The following MALT1 variants were observed in gnomAD, a reference collection of about 807,000 sequenced individuals.
MALT1 encodes the protein mucosa-associated lymphoid tissue lymphoma translocation protein 1.
Under a neutral mutation model 85.5 loss-of-function variants are expected in MALT1, and 36 were observed. The ratio of observed to expected loss-of-function variants is 0.42; its 90% CI spans 0.32 to 0.56. MALT1 has a LOEUF of 0.56. MALT1 is among the 20% of genes least tolerant of loss of function. The pLI, the probability that MALT1 is intolerant of heterozygous loss-of-function variation, is 0.10. For synonymous variants in MALT1, 359 were observed against 361.3 expected (o/e 0.99, Z 0.07); for missense variants, 716 against 981.6 (o/e 0.73, Z 3.62).
intron 4 of MALT1, among the ~76,000 whole-genome samples, chr18:58,705,803 A>C (rs1156284263): frequency 1.3e-5 from 2 of 152,102 alleles, no homozygotes; most frequent in African/African-American, 4.8e-5. Context: ...ATGTGTCTTC[A>C]TAGCAGCATG....
chr18:58,725,732 C>T (rs1427555486), intron 10 of MALT1, among the ~76,000 whole-genome samples: 3 of 152,170 alleles, frequency 2.0e-5, no homozygotes, highest in Non-Finnish European at 4.4e-5. Context: ...GATATTTTCA[C>T]CTTGGCTTTT....
At chr18:58,718,506 T>A (rs528571656) in intron 9 of MALT1, among the ~76,000 whole-genome samples, 1 of 152,292 alleles carries the variant, frequency 6.6e-6, no homozygotes, top group East Asian at 1.9e-4. Context: ...AACCCTATTG[T>A]GCACTCCTTA....
At chr18:58,727,212 C>T (rs2055067693) in intron 10 of MALT1, among the ~76,000 whole-genome samples, 2 of 152,062 alleles carry the variant, frequency 1.3e-5, no homozygotes, top group African/African-American at 4.8e-5. Flanking sequence ...TATTTCAGGC[C>T]TCAATGAGAG....
intron 14 of MALT1, among the ~76,000 whole-genome samples, chr18:58,743,633 CCCT>C (rs1184049464): frequency 2.0e-5 from 3 of 151,874 alleles, no homozygotes; most frequent in Admixed American, 6.6e-5. Context: ...AAAATTAAGA[CCCT>C]CCTCAGTAAA....
intron 11 of MALT1, 36 bp downstream of exon 11, chr18:58,733,610 G>A (rs770263327): frequency 6.9e-7 from 1 of 1,450,630 alleles, no homozygotes; most frequent in Non-Finnish European, 9.4e-7. Context: ...AATTGTTGGA[G>A]TTAAATATCG....
chr18:58,693,472 A>G (rs2054543565), intron 2 of MALT1, among the ~76,000 whole-genome samples: 1 of 152,224 alleles, frequency 6.6e-6, no homozygotes, highest in African/African-American at 2.4e-5. Flanking sequence ...GAAAATGGCT[A>G]TAATAAACAG....
chr18:58,671,798 G>T lies in MALT1; in HGVS notation c.155G>T (p.Arg52Leu). 1 of 1,246,316 alleles carries T rather than the reference G, an allele frequency of 8.0e-7. No individual in the cohort carries two copies. The highest frequency in any genetic ancestry group is 1.0e-6 in the Non-Finnish European group (1 of 996,206). The allele number at this position is 1,246,316 out of a possible 1,614,324, so 77.2% of individuals were successfully genotyped here. ...SELLDQAPEG[R>L]GWRRLAELAG... The stretch of plus-strand genomic sequence containing the variant: ...CTCCTGGATCAGGCGCCCGAGGGCC[G>T]GGGCTGGAGGAGACTGGCGGAGCTG... The change falls in exon 1 of 17, where the codon CGG (arginine) becomes CTG (leucine). Residue 52 changes from arginine to leucine, a missense_variant. Physicochemically the swap from Arg to Leu is moderately radical, Grantham distance 102 (BLOSUM62 -2). This residue lies in a region of MALT1 where 290 missense variants were observed against 380.5 expected (regional missense o/e 0.76). Coordinates refer to ENST00000649217, the MANE Select transcript of MALT1 (RefSeq NM_006785.4).
intron 2 of MALT1, chr18:58,692,286 T>C (rs983253244): frequency 2.6e-5 from 4 of 152,032 alleles, no homozygotes; most frequent in African/African-American, 9.7e-5. Context: ...AGCCCTTGCA[T>C]TGCAAAGGAA....
rs186534946 is a variant in MALT1, at chr18:58,739,741, C to T, written c.1604-2124C>T. Among the ~76,000 whole-genome samples, 263 of 152,206 alleles carry T rather than the reference C, an allele frequency of 1.7e-3. 1 individual carries two copies. In the Middle Eastern group the frequency reaches 0.024, roughly 14 times the overall value. Reference sequence around the variant, plus strand: ...CTGCCTGCAGGTTTCAGACTTGCACCGCCACAATTCATAAACCAATACCTT... The same window carrying T: ...CTGCCTGCAGGTTTCAGACTTGCACTGCCACAATTCATAAACCAATACCTT... On this transcript the variant is annotated intron_variant, in intron 13 of 16. Coordinates refer to ENST00000649217, the MANE Select transcript of MALT1 (RefSeq NM_006785.4).
chr18:58,740,302 T>C (rs532677845), intron 13 of MALT1, among the ~76,000 whole-genome samples: 6 of 152,310 alleles, frequency 3.9e-5, no homozygotes, highest in Non-Finnish European at 7.4e-5. Context: ...GTTGATTTCT[T>C]CTACTTTTTC....
chr18:58,694,469 T>G (rs1304764649), intron 2 of MALT1, among the ~76,000 whole-genome samples: 1 of 152,198 alleles, frequency 6.6e-6, no homozygotes, highest in Non-Finnish European at 1.5e-5. Flanking sequence ...GAGGTCACAT[T>G]CAGTATAGAC....
chr18:58,732,263 C>A (rs1045311510), intron 10 of MALT1, among the ~76,000 whole-genome samples: 1 of 152,000 alleles, frequency 6.6e-6, no homozygotes, highest in African/African-American at 2.4e-5. Flanking sequence ...GTGTTTTGTC[C>A]AGTACTTTTA....
rs1048934059 is a variant in MALT1, at chr18:58,748,811, C to T, written c.*969C>T. On this transcript the variant is annotated 3_prime_UTR_variant, in exon 17 of 17. Coordinates refer to ENST00000649217, the MANE Select transcript of MALT1 (RefSeq NM_006785.4). ...TTTTAAAAGTCTCACAAAGAAAATC[C>T]CAGGCCTAGATGGCTGCATTGTTGA... 3.0e-5 allele frequency: 6 copies of T among 201,406 alleles called. No individual in the cohort carries two copies. The highest frequency in any genetic ancestry group is 1.4e-4 in the African/African-American group (6 of 43,500). The allele number at this position is 201,406 out of a possible 1,614,324, so 12.5% of individuals were successfully genotyped here.
intron 9 of MALT1, among the ~76,000 whole-genome samples, chr18:58,717,662 C>T (rs768770340): frequency 1.1e-4 from 16 of 149,576 alleles, no homozygotes; most frequent in Non-Finnish European, 2.2e-4. Context: ...ACGAGAATCA[C>T]TTGAACCCAG....
chr18:58,734,501 A>G, intron 12 of MALT1, 120 bp downstream of exon 12: 1 of 730,692 alleles, frequency 1.4e-6, no homozygotes. Context: ...AGGCGCCATC[A>G]TAGCTCACTG....
chr18:58,718,463 TCAG>T (rs2054934864), intron 9 of MALT1, among the ~76,000 whole-genome samples: 1 of 152,340 alleles, frequency 6.6e-6, no homozygotes, highest in Non-Finnish European at 1.5e-5. Context: ...TCCTGTCAGA[TCAG>T]CAGCGGCATT....
chr18:58,698,647 A>G (rs2054628850), intron 3 of MALT1, among the ~76,000 whole-genome samples: 1 of 152,208 alleles, frequency 6.6e-6, no homozygotes, highest in Non-Finnish European at 1.5e-5. Context: ...AAGATTGGAA[A>G]ATTAATTGAC....
chr18:58,681,146 T>C, intron 1 of MALT1, 24 bp from the exon 2 acceptor site: 1 of 1,610,160 alleles, frequency 6.2e-7, no homozygotes, highest in Non-Finnish European at 8.5e-7. Flanking sequence ...AGCTGTTGAC[T>C]TGAATTCTTT....
At chr18:58,683,009 A>G (rs984621362) in intron 2 of MALT1, among the ~76,000 whole-genome samples, 3 of 152,202 alleles carry the variant, frequency 2.0e-5, no homozygotes, top group Non-Finnish European at 4.4e-5. Context: ...GTTGTTTGGC[A>G]CCAAACAGTA....
Sources: allele counts gnomAD v4.1 joint callset (sites outside exome capture counted in the v4.1 genomes callset), GRCh38; gene constraint gnomAD v4.1.1; regional missense constraint gnomAD v4.1.1; transcripts MANE v1.5; gene names NCBI Gene and HGNC (gene_info 2026-07-23, HGNC 2026-07-21).